ABL2: variants seen among roughly 807,000 people sequenced by gnomAD.
The protein encoded by ABL2 is tyrosine-protein kinase ABL2.
Under a neutral mutation model 107.7 loss-of-function variants are expected in ABL2, and 49 were observed. The observed-to-expected ratio is 0.45, with a 90% CI of 0.36 to 0.58. The LOEUF is 0.58. ABL2 is among the 20% of genes least tolerant of loss of function. The probability of loss-of-function intolerance (pLI) is 0.00; values close to 1 mark genes in which losing one functional copy is unlikely to be tolerated. For missense variants in ABL2, 1,245 were observed against 1,457.0 expected (o/e 0.85, Z 2.37); for synonymous variants, 549 against 548.6 (o/e 1.00, Z -0.01).
At chr1:179,135,459 C>T (rs1471548961) in intron 1 of ABL2, among the ~76,000 whole-genome samples, 1 of 150,736 alleles carries the variant, frequency 6.6e-6, no homozygotes, top group African/African-American at 2.4e-5. Flanking sequence ...GCCTGGCAAC[C>T]GCCCCGTCTG....
rs756092726 is a variant in ABL2, at chr1:179,108,611, C to A, written c.2656G>T (p.Ala886Ser). ...PPGVGVAGVAAAPKGKEKNGG... is the reference protein window; with the variant it reads ...PPGVGVAGVASAPKGKEKNGG... ...TTCTTCTCTTTACCCTTGGGGGCAG[C>A]TGCCACTCCAGCCACTCCCACCCCT... Residue 886 changes from alanine (A) to serine (S), a missense_variant, in exon 12 of 12, where the codon GCT (alanine) becomes TCT (serine). This residue lies in a region of ABL2 where 761 missense variants were observed against 766.4 expected (regional missense o/e 0.99). Coordinates refer to ENST00000502732, the MANE Select transcript of ABL2 (RefSeq NM_007314.4). 2 of 1,614,130 alleles carry A rather than the reference C, an allele frequency of 1.2e-6. No individual in the cohort carries two copies. The highest frequency in any genetic ancestry group is 1.7e-6 in the Non-Finnish European group (2 of 1,180,006).
rs772805200 is a variant in ABL2 at position 179,107,942 on chromosome 1, G to A, written c.3325C>T (p.Leu1109=). Residue 1109 remains leucine, a synonymous_variant, in exon 12 of 12, where the codon CTG becomes TTG. Transcript: ENST00000502732. ...ALTEPVPNSQ[L]VDTGHQLLDY... ...AGCAGCTGGTGTCCAGTGTCTACCAGCTGGCTGTTGGGCACAGGTTCCGTG... is the reference window on the plus strand; with the variant it reads ...AGCAGCTGGTGTCCAGTGTCTACCAACTGGCTGTTGGGCACAGGTTCCGTG... The A allele has an allele frequency of 1.9e-6, 3 of 1,614,240 alleles. No homozygotes were observed. The highest frequency in any genetic ancestry group is 2.5e-6 in the Non-Finnish European group (3 of 1,180,050).
Position 179,229,558 on chromosome 1 carries a change from G to A in ABL2, c.-161C>T. ...CGGCTCCGCACCCGGCCTCCTCACG[G>A]CAGCCGCCGCGCTGCCTCCAGGCGA... On this transcript the variant is annotated 5_prime_UTR_variant, in exon 1 of 12. Transcript: ENST00000502732. 1 of 662,944 alleles carries A rather than the reference G, an allele frequency of 1.5e-6. No individual in the cohort carries two copies. The highest frequency in any genetic ancestry group is 2.3e-6 in the Non-Finnish European group (1 of 435,306). 41.1% of individuals were successfully genotyped at this position (662,944 alleles called of 1,614,324 possible). A position where few individuals can be genotyped will look rare whatever the true frequency, so the allele number is the denominator to read the frequency against.
intron 1 of ABL2, among the ~76,000 whole-genome samples, chr1:179,146,830 A>G (rs2102719968): frequency 6.6e-6 from 1 of 152,270 alleles, no homozygotes; most frequent in Middle Eastern, 3.4e-3. Flanking sequence ...TCACCCCAAA[A>G]TATGTCTCTG....
intron 1 of ABL2, among the ~76,000 whole-genome samples, chr1:179,189,286 C>A (rs1660864600): frequency 6.6e-6 from 1 of 152,062 alleles, no homozygotes; most frequent in African/African-American, 2.4e-5. Flanking sequence ...CAGGTATGCA[C>A]CACCACAGCC....
intron 1 of ABL2, among the ~76,000 whole-genome samples, chr1:179,196,953 A>C (rs1661349640): frequency 6.6e-6 from 1 of 152,242 alleles, no homozygotes; most frequent in African/African-American, 2.4e-5. Context: ...CAATGGATGA[A>C]TCAAATAGCA....
At chr1:179,187,460 C>T (rs1660736715) in intron 1 of ABL2, among the ~76,000 whole-genome samples, 3 of 151,942 alleles carry the variant, frequency 2.0e-5, no homozygotes, top group Admixed American at 2.0e-4. Flanking sequence ...AAAATAGTAC[C>T]CAATATTTAA....
At chr1:179,115,304 A>T (rs1251259456) in intron 8 of ABL2, among the ~76,000 whole-genome samples, 3 of 152,204 alleles carry the variant, frequency 2.0e-5, no homozygotes, top group Admixed American at 1.3e-4. Flanking sequence ...ATAAACTATG[A>T]CCATTTAAGA....
At chr1:179,162,382 C>G (rs72709467) in intron 1 of ABL2, among the ~76,000 whole-genome samples, 3,358 of 152,180 alleles carry the variant, frequency 0.022, 67 homozygotes, top group Middle Eastern at 0.054. Context: ...GTCAGGAACT[C>G]AAGACCAGCT....
At chr1:179,151,958 T>C (rs1186161296) in intron 1 of ABL2, among the ~76,000 whole-genome samples, 1 of 152,202 alleles carries the variant, frequency 6.6e-6, no homozygotes, top group Non-Finnish European at 1.5e-5. Flanking sequence ...CCTTTTCTGA[T>C]TATGTAACCA....
Position 179,126,335 on chromosome 1 carries a change from G to T in ABL2, c.687+42C>A. The T allele has an allele frequency of 6.4e-7, 1 of 1,571,938 alleles. No individual in the cohort carries two copies. Among genetic ancestry groups the T allele is most frequent in the Non-Finnish European group, 8.7e-7 (1 of 1,146,716 alleles). ...ATCACGTTGAATATTATTTCACAGAGTAGCCAGTCCATGCTTAAAGGTGGT... is the reference window on the plus strand; with the variant it reads ...ATCACGTTGAATATTATTTCACAGATTAGCCAGTCCATGCTTAAAGGTGGT... On this transcript the variant is annotated intron_variant, in intron 4 of 11. Coordinates refer to ENST00000502732, the MANE Select transcript of ABL2 (RefSeq NM_007314.4). The surrounding 1 kb of genome is among the most constrained non-coding windows in gnomAD (Gnocchi z 4.4).
Position 179,126,780 on chromosome 1 carries a change from G to C in ABL2, c.392-108C>G, listed in dbSNP as rs1572650629. 2.6e-6 allele frequency: 3 copies of C among 1,146,322 alleles called. No individual in the cohort carries two copies. The highest frequency in any genetic ancestry group is 2.1e-4 in the Middle Eastern group (1 of 4,870). 71.0% of individuals were successfully genotyped at this position (1,146,322 alleles called of 1,614,324 possible). A position where few individuals can be genotyped will look rare whatever the true frequency, so the allele number is the denominator to read the frequency against. On this transcript the variant is annotated intron_variant, in intron 3 of 11. Transcript: ENST00000502732. The surrounding 1 kb of genome is among the most constrained non-coding windows in gnomAD (Gnocchi z 4.4). Reference sequence around the variant, plus strand: ...CTCATTAAAAAAAAAAAAGAATCTAGAACTTTTATGCCAAATTTTTTTTTT... The same window carrying C: ...CTCATTAAAAAAAAAAAAGAATCTACAACTTTTATGCCAAATTTTTTTTTT...
intron 1 of ABL2, among the ~76,000 whole-genome samples, chr1:179,208,806 T>C (rs980673121): frequency 3.3e-5 from 5 of 152,340 alleles, no homozygotes; most frequent in South Asian, 2.1e-4. Context: ...ATTCTACCAC[T>C]AAAGCACAAC....
chr1:179,188,834 A>G (rs1341242240), intron 1 of ABL2, among the ~76,000 whole-genome samples: 1 of 152,204 alleles, frequency 6.6e-6, no homozygotes, highest in African/African-American at 2.4e-5. Flanking sequence ...CATACACACC[A>G]AAGAAGTCCT....
At chr1:179,121,972 C>A in intron 4 of ABL2, 105 bp from the exon 5 acceptor site, 1 of 1,096,446 alleles carries the variant, frequency 9.1e-7, no homozygotes. Flanking sequence ...GTCACCCAGG[C>A]TGGAGTGCAC....
intron 1 of ABL2, among the ~76,000 whole-genome samples, chr1:179,161,399 A>G (rs987316037): frequency 6.6e-6 from 1 of 151,836 alleles, no homozygotes; most frequent in Non-Finnish European, 1.5e-5. Flanking sequence ...ACTAAATGAT[A>G]CCATGCATGA....
intron 1 of ABL2, among the ~76,000 whole-genome samples, chr1:179,207,165 T>C (rs1662020322): frequency 6.8e-6 from 1 of 147,884 alleles, no homozygotes; most frequent in South Asian, 2.1e-4. Context: ...CATTCTTTTC[T>C]TTCTTTTTTT....
chr1:179,163,024 G>A (rs2102756386), intron 1 of ABL2, among the ~76,000 whole-genome samples: 1 of 152,220 alleles, frequency 6.6e-6, no homozygotes, highest in East Asian at 1.9e-4. Flanking sequence ...TTGGTACAAA[G>A]CCCAAGCAAA....
At chr1:179,134,742 G>T (rs2816196) in intron 1 of ABL2, among the ~76,000 whole-genome samples, 53,645 of 151,612 alleles carry the variant, frequency 0.35, 9,802 homozygotes, top group East Asian at 0.49. Context: ...CTCCACGGTC[G>T]CCCTCTCCCT....
Sources: allele counts gnomAD v4.1 joint callset (sites outside exome capture counted in the v4.1 genomes callset), GRCh38; gene constraint gnomAD v4.1.1; regional missense constraint gnomAD v4.1.1; non-coding constraint Gnocchi (gnomAD v3.1); transcripts MANE v1.5; gene names NCBI Gene and HGNC (gene_info 2026-07-23, HGNC 2026-07-21).